Variants in CDCP2 observed in about 807,000 individuals in gnomAD.
CDCP2 encodes the protein CUB domain containing protein 2.
Under a neutral mutation model 31.0 loss-of-function variants are expected in CDCP2, and 31 were observed. The observed-to-expected ratio is 1.00, with a 90% CI of 0.75 to 1.35. The LOEUF is 1.35. Ranked by LOEUF, CDCP2 falls within the 40% of genes most tolerant of loss-of-function variation. CDCP2 has a pLI of 0.00. For synonymous variants in CDCP2, 206 were observed against 207.9 expected, an observed-to-expected ratio of 0.99 and a Z score of 0.08; for missense variants, 443 against 482.6, an observed-to-expected ratio of 0.92 and a Z score of 0.77.
exon 4 of CDCP2, chr1:54,140,091 A>G (rs752476805): frequency 6.2e-7 from 1 of 1,613,006 alleles, no homozygotes; most frequent in Non-Finnish European, 8.5e-7. Context: ...GGCCATGTAT[A>G]CCTCCTGGCA....
intron 3 of CDCP2, 76 bp downstream of exon 3, chr1:54,141,022 C>T: frequency 7.9e-7 from 1 of 1,265,884 alleles, no homozygotes; most frequent in Non-Finnish European, 1.1e-6. Context: ...AAAGGTGTGA[C>T]CCCTGCAAGT....
At chr1:54,139,648 G>GT (rs1553173744) in intron 4 of CDCP2, 105 bp downstream of exon 4, 3 of 1,613,508 alleles carry the variant, frequency 1.9e-6, no homozygotes, top group Non-Finnish European at 2.5e-6. Flanking sequence ...CCATTCATGG[G>GT]GGGGGCAGGA....
chr1:54,149,921 G>A (rs187216541), intron 1 of CDCP2, among the ~76,000 whole-genome samples: 161 of 152,346 alleles, frequency 1.1e-3, no homozygotes, highest in Non-Finnish European at 1.7e-3. Flanking sequence ...AACTGAGCCC[G>A]GGAAAGGGAA....
intron 1 of CDCP2, among the ~76,000 whole-genome samples, chr1:54,147,245 G>T (rs1659490396): frequency 6.6e-6 from 1 of 151,768 alleles, no homozygotes; most frequent in South Asian, 2.1e-4. Context: ...AAAAGAAATT[G>T]AAATGAAACT....
At chr1:54,146,479 C>T (rs1570069309) in intron 1 of CDCP2, among the ~76,000 whole-genome samples, 1 of 151,876 alleles carries the variant, frequency 6.6e-6, no homozygotes, top group East Asian at 1.9e-4. Context: ...CGCGCCCAGC[C>T]TGAGAGATAT....
intron 2 of CDCP2, chr1:54,142,357 T>G (rs1476385196): frequency 1.3e-5 from 2 of 152,246 alleles, no homozygotes; most frequent in African/African-American, 4.8e-5. Context: ...CTGCCTTTTA[T>G]TAGCTGTGTG....
In CDCP2 at chr1:54,144,457, C is replaced by A; in HGVS notation, c.427+9G>T. On this transcript the variant is annotated intron_variant, in intron 2 of 5. Coordinates refer to ENST00000530059, the Ensembl canonical transcript of CDCP2. ...CCACTGCAACAGGTCCCTAAGGCCC[C>A]CCGTTGACCTTTCTGGTAGCCCGCA... 6.4e-7 allele frequency: 1 copy of A among 1,559,130 alleles called. No homozygotes were observed. Among genetic ancestry groups the A allele is most frequent in the South Asian group, 1.2e-5 (1 of 81,264 alleles).
In CDCP2 at chr1:54,141,445, C is replaced by A. The variant is rs769846152; in HGVS notation, c.428-12G>T. 4 of 1,574,832 alleles carry A rather than the reference C, an allele frequency of 2.5e-6. No homozygotes were observed. In the East Asian group the frequency reaches 6.8e-5, roughly 27 times the overall value. On this transcript the variant is annotated splice_polypyrimidine_tract_variant and intron_variant, in intron 2 of 5. Transcript: ENST00000530059. ...GCCGCCACACACATCTGCAAGGGAG[C>A]CCACTTGAGCTGACCTTTCTTTCTC...
chr1:54,146,891 C>A (rs1184211840), intron 1 of CDCP2, among the ~76,000 whole-genome samples: 2 of 151,452 alleles, frequency 1.3e-5, no homozygotes, highest in East Asian at 1.9e-4. Flanking sequence ...GCCTGGGCAA[C>A]ATGGCGAAAC....
chr1:54,136,682 C>T (rs551373625), exon 5 of CDCP2: 5 of 399,152 alleles, frequency 1.3e-5, no homozygotes, highest in East Asian at 3.6e-5. Flanking sequence ...GAGGTTGCCG[C>T]CGACCTCCTG....
chr1:54,148,637 A>G (rs1205234274), intron 1 of CDCP2, among the ~76,000 whole-genome samples: 1 of 151,780 alleles, frequency 6.6e-6, no homozygotes, highest in Admixed American at 6.6e-5. Flanking sequence ...CCATGAGGAC[A>G]TATTTGGCAA....
chr1:54,139,508 G>C, intron 4 of CDCP2: 1 of 1,605,632 alleles, frequency 6.2e-7, no homozygotes, highest in Non-Finnish European at 8.5e-7. Flanking sequence ...GGAGGGGTGA[G>C]GACTCACGAA....
chr1:54,141,005 G>A (rs1659359044), intron 3 of CDCP2, 93 bp downstream of exon 3: 1 of 1,077,980 alleles, frequency 9.3e-7, no homozygotes, highest in Middle Eastern at 2.9e-4. Context: ...AAGGCTGCGG[G>A]GGGCAGAAAG....
At chr1:54,140,366 C>T in intron 3 of CDCP2, 1 of 545,506 alleles carries the variant, frequency 1.8e-6, no homozygotes, top group Non-Finnish European at 3.3e-6. Context: ...CAGGTGTAGG[C>T]CCTGTTAGGA....
chr1:54,148,472 C>T (rs6696001), intron 1 of CDCP2, among the ~76,000 whole-genome samples: 18,025 of 149,978 alleles, frequency 0.12, 2,237 homozygotes, highest in East Asian at 0.39. Flanking sequence ...GCTAACAAAC[C>T]CTGAACCCAC....
At chr1:54,148,894 T>C (rs1659522693) in intron 1 of CDCP2, among the ~76,000 whole-genome samples, 1 of 150,526 alleles carries the variant, frequency 6.6e-6, no homozygotes, top group South Asian at 2.1e-4. Flanking sequence ...ATTAAAAATA[T>C]AAAAGTCAAA....
At chr1:54,151,692 C>T (rs1278252722) in intron 1 of CDCP2, among the ~76,000 whole-genome samples, 5 of 152,166 alleles carry the variant, frequency 3.3e-5, no homozygotes, top group Non-Finnish European at 7.3e-5. Context: ...CTCCCTGAGC[C>T]CCACTTGAGC....
chr1:54,144,330 C>T, intron 2 of CDCP2, 136 bp downstream of exon 2: 1 of 766,060 alleles, frequency 1.3e-6, no homozygotes. Context: ...CCCATCTCCA[C>T]CCCAGGGCCA....
chr1:54,136,768 C>T, exon 5 of CDCP2: 1 of 399,192 alleles, frequency 2.5e-6, no homozygotes, highest in Non-Finnish European at 4.4e-6. Flanking sequence ...AGATCAGGAT[C>T]TGGAAGTCCG....
Sources: gnomAD v4.1 joint callset for allele counts (sites outside exome capture counted in the v4.1 genomes callset) on GRCh38, gnomAD v4.1.1 for gene constraint, MANE v1.5 for transcripts, NCBI Gene and HGNC (gene_info 2026-07-23, HGNC 2026-07-21) for gene names.